CNTN6: variants seen among roughly 807,000 people sequenced by gnomAD.
The protein encoded by CNTN6 is contactin-6.
CNTN6 carries 137 observed loss-of-function variants against 122.8 expected under a neutral mutation model. That is an observed-to-expected ratio of 1.12 (90% CI 0.97 to 1.29). CNTN6 has a LOEUF of 1.29. CNTN6 is among the 50% of genes most tolerant of loss of function. The probability of loss-of-function intolerance (pLI) is 0.00; values close to 1 mark genes in which losing one functional copy is unlikely to be tolerated. For synonymous variants in CNTN6, 570 were observed against 426.0 expected (o/e 1.34, Z -4.16); for missense variants, 1,634 against 1,223.4 (o/e 1.34, Z -5.01).
At chr3:1,173,156 C>A (rs531347071) in intron 2 of CNTN6, 13 of 451,618 alleles carry the variant, frequency 2.9e-5, no homozygotes, top group South Asian at 2.0e-4. Flanking sequence ...CCAGGCATAC[C>A]GTAAGGAGAG....
intron 19 of CNTN6, among the ~76,000 whole-genome samples, chr3:1,384,682 A>G (rs1379135436): frequency 2.8e-5 from 2 of 72,072 alleles, no homozygotes; most frequent in Non-Finnish European, 5.7e-5. Flanking sequence ...ATATATATAT[A>G]TATATACACA....
At chr3:1,254,927 C>T (rs1419163769) in intron 4 of CNTN6, among the ~76,000 whole-genome samples, 1 of 151,802 alleles carries the variant, frequency 6.6e-6, no homozygotes, top group East Asian at 1.9e-4. Flanking sequence ...TTCCTCTGGT[C>T]TTCTTGGGGT....
chr3:1,267,853 G>A (rs76775395), intron 4 of CNTN6, among the ~76,000 whole-genome samples: 2,699 of 151,912 alleles, frequency 0.018, 86 homozygotes, highest in African/African-American at 0.062. Context: ...TGCCATTCAG[G>A]GCTTCCTCAG....
intron 5 of CNTN6, among the ~76,000 whole-genome samples, chr3:1,281,952 C>G (rs1693522948): frequency 6.7e-6 from 1 of 149,780 alleles, no homozygotes. Flanking sequence ...GCAGGCCTAT[C>G]AAATATATTT....
At chr3:1,096,036 C>A (rs2090506488) in intron 1 of CNTN6, among the ~76,000 whole-genome samples, 1 of 152,174 alleles carries the variant, frequency 6.6e-6, no homozygotes, top group Admixed American at 6.5e-5. Context: ...GAGTTTGCAT[C>A]TTGAACATGT....
intron 2 of CNTN6, among the ~76,000 whole-genome samples, chr3:1,199,063 A>T (rs955940497): frequency 2.0e-5 from 3 of 152,152 alleles, no homozygotes; most frequent in South Asian, 2.1e-4. Context: ...AAGAAACCAG[A>T]ACGTCATGGG....
intron 1 of CNTN6, among the ~76,000 whole-genome samples, chr3:1,140,202 C>G (rs896286238): frequency 5.9e-5 from 9 of 152,150 alleles, no homozygotes; most frequent in South Asian, 2.1e-4. Flanking sequence ...AGCAGCGTCA[C>G]TCATCCACAT....
chr3:1,307,265 A>G (rs561364071), intron 7 of CNTN6, among the ~76,000 whole-genome samples: 7 of 152,300 alleles, frequency 4.6e-5, no homozygotes, highest in African/African-American at 1.4e-4. Context: ...CCCTTTATCA[A>G]ATAGAGACTG....
chr3:1,341,379 T>G (rs1359254657), intron 11 of CNTN6, among the ~76,000 whole-genome samples: 3 of 152,190 alleles, frequency 2.0e-5, no homozygotes, highest in Non-Finnish European at 4.4e-5. Flanking sequence ...AGACACTTTA[T>G]CTTTCCCTTC....
At chr3:1,364,814 C>T (rs1049187333) in intron 12 of CNTN6, among the ~76,000 whole-genome samples, 2 of 151,926 alleles carry the variant, frequency 1.3e-5, no homozygotes, top group African/African-American at 4.8e-5. Flanking sequence ...GGCTATTCAT[C>T]AAAAGCGTCA....
chr3:1,212,862 A>G (rs1185568326), intron 2 of CNTN6, among the ~76,000 whole-genome samples: 4 of 152,156 alleles, frequency 2.6e-5, no homozygotes, highest in Admixed American at 2.6e-4. Context: ...ATATTAAACA[A>G]TTAGTTGAAA....
chr3:1,383,485 C>T, intron 19 of CNTN6, 77 bp downstream of exon 19: 1 of 1,025,538 alleles, frequency 9.8e-7, no homozygotes, highest in South Asian at 1.3e-5. Context: ...ACAGTCCTAT[C>T]CTACTAGCCT....
chr3:1,386,111 C>T (rs774800853), intron 20 of CNTN6, among the ~76,000 whole-genome samples: 3 of 152,100 alleles, frequency 2.0e-5, no homozygotes, highest in Non-Finnish European at 2.9e-5. Flanking sequence ...ATCCTTGGAA[C>T]GTTAGGTGGT....
intron 4 of CNTN6, among the ~76,000 whole-genome samples, chr3:1,276,189 G>A (rs1692323794): frequency 1.3e-5 from 2 of 152,126 alleles, no homozygotes; most frequent in Admixed American, 1.3e-4. Context: ...TAACCAATGT[G>A]TATTTTTTTA....
intron 20 of CNTN6, chr3:1,394,196 C>T (rs1250126299): frequency 1.8e-5 from 4 of 227,936 alleles, no homozygotes; most frequent in Non-Finnish European, 2.6e-5. Context: ...AGGTGCCCTC[C>T]GTCTGCCTCA....
At chr3:1,238,064 G>A (rs1043073855) in intron 4 of CNTN6, among the ~76,000 whole-genome samples, 17 of 151,750 alleles carry the variant, frequency 1.1e-4, no homozygotes, top group African/African-American at 4.1e-4. Context: ...AAATAGCACG[G>A]TGAATAGAAT....
At chr3:1,400,563 T>G (rs1022424391) in intron 20 of CNTN6, among the ~76,000 whole-genome samples, 32 of 152,126 alleles carry the variant, frequency 2.1e-4, no homozygotes, top group African/African-American at 7.5e-4. Context: ...AATCAGTTTG[T>G]GATGATTTTC....
intron 5 of CNTN6, among the ~76,000 whole-genome samples, chr3:1,278,967 T>C (rs1312507726): frequency 1.3e-5 from 2 of 152,242 alleles, no homozygotes; most frequent in Non-Finnish European, 2.9e-5. Flanking sequence ...TAATAACTAA[T>C]ACTTTAGTAA....
chr3:1,341,372 C>T (rs972228378), intron 11 of CNTN6, among the ~76,000 whole-genome samples: 1 of 152,114 alleles, frequency 6.6e-6, no homozygotes, highest in Non-Finnish European at 1.5e-5. Flanking sequence ...CGAATGGAGA[C>T]ACTTTATCTT....
Sources: allele counts gnomAD v4.1 joint callset (sites outside exome capture counted in the v4.1 genomes callset), GRCh38; gene constraint gnomAD v4.1.1; transcripts MANE v1.5; gene names NCBI Gene and HGNC (gene_info 2026-07-23, HGNC 2026-07-21).